NPLOC4: variants seen among roughly 807,000 people sequenced by gnomAD.
NPLOC4 encodes nuclear protein localization protein 4 homolog.
A neutral mutation model predicts 80.6 loss-of-function variants in NPLOC4; 18 were observed. The ratio of observed to expected loss-of-function variants is 0.22; its 90% CI spans 0.15 to 0.33. NPLOC4 has a LOEUF of 0.33. Ranked by LOEUF, NPLOC4 falls within the 10% of genes least tolerant of loss-of-function variation. The probability of loss-of-function intolerance (pLI) is 1.00; values close to 1 mark genes in which losing one functional copy is unlikely to be tolerated. For synonymous variants in NPLOC4, 313 were observed against 301.5 expected (o/e 1.04, Z -0.39); for missense variants, 540 against 786.1 (o/e 0.69, Z 3.74).
intron 16 of NPLOC4, among the ~76,000 whole-genome samples, chr17:81,561,449 T>C (rs2033845595): frequency 1.3e-5 from 2 of 152,252 alleles, no homozygotes; most frequent in Admixed American, 1.3e-4. Flanking sequence ...ACAAGTGTTT[T>C]GTTTAGATAA....
At chr17:81,573,140 A>T (rs1270833592) in intron 12 of NPLOC4, among the ~76,000 whole-genome samples, 1 of 152,210 alleles carries the variant, frequency 6.6e-6, no homozygotes, top group Non-Finnish European at 1.5e-5. Flanking sequence ...GCAAGAGGGG[A>T]TCACATTTTC....
At chr17:81,583,358 T>A (rs2034493706) in intron 12 of NPLOC4, among the ~76,000 whole-genome samples, 1 of 152,242 alleles carries the variant, frequency 6.6e-6, no homozygotes, top group South Asian at 2.1e-4. Context: ...TCATTTATTC[T>A]CCATAATTAC....
At chr17:81,622,530 T>C (rs148321826) in intron 2 of NPLOC4, among the ~76,000 whole-genome samples, 189 of 152,312 alleles carry the variant, frequency 1.2e-3, no homozygotes, top group African/African-American at 4.2e-3. Flanking sequence ...ATTTAAGACT[T>C]TGAAGCAAAC....
chr17:81,608,586 A>G, intron 6 of NPLOC4, 142 bp downstream of exon 6: 1 of 603,466 alleles, frequency 1.7e-6, no homozygotes, highest in South Asian at 2.1e-5. Context: ...ATAAATAAAT[A>G]TAGAACCACG....
At chr17:81,619,365 A>G (rs2035600525) in intron 3 of NPLOC4, among the ~76,000 whole-genome samples, 1 of 151,160 alleles carries the variant, frequency 6.6e-6, no homozygotes, top group Admixed American at 6.6e-5. Flanking sequence ...CAACACAGTG[A>G]GACTCCGTCT....
chr17:81,630,279 T>C (rs1433577642), intron 1 of NPLOC4, among the ~76,000 whole-genome samples: 1 of 152,084 alleles, frequency 6.6e-6, no homozygotes, highest in Non-Finnish European at 1.5e-5. Context: ...CAGGAAATTT[T>C]CTAATTGTTA....
intron 16 of NPLOC4, chr17:81,565,299 CT>C: frequency 1.4e-6 from 1 of 702,764 alleles, no homozygotes. Flanking sequence ...GACGTACGGC[CT>C]GGACAACATG....
chr17:81,573,306 G>A (rs2034209271), intron 12 of NPLOC4, among the ~76,000 whole-genome samples: 1 of 152,140 alleles, frequency 6.6e-6, no homozygotes, highest in African/African-American at 2.4e-5. Context: ...CCTGAGGTGT[G>A]CAGGGTGACA....
At chr17:81,627,631 C>T (rs1300593325) in intron 2 of NPLOC4, among the ~76,000 whole-genome samples, 2 of 151,828 alleles carry the variant, frequency 1.3e-5, no homozygotes, top group African/African-American at 2.4e-5. Context: ...CCCAGCTACT[C>T]GGAAGGCTGA....
chr17:81,583,933 G>A (rs2034508785), intron 12 of NPLOC4, among the ~76,000 whole-genome samples: 1 of 152,128 alleles, frequency 6.6e-6, no homozygotes, highest in Non-Finnish European at 1.5e-5. Flanking sequence ...TTTTAATTTT[G>A]CTTTCTAAGT....
chr17:81,582,482 G>T (rs1337215628), intron 12 of NPLOC4, among the ~76,000 whole-genome samples: 1 of 152,214 alleles, frequency 6.6e-6, no homozygotes, highest in African/African-American at 2.4e-5. Context: ...GCTCACTGCA[G>T]CCGTGAACTC....
chr17:81,560,991 G>C (rs1475782134), intron 16 of NPLOC4: 1 of 150,810 alleles, frequency 6.6e-6, no homozygotes, highest in Admixed American at 6.6e-5. Flanking sequence ...CCTTTTTTTT[G>C]TTGTTGCCGA....
In NPLOC4 at chr17:81,580,432, C is replaced by T. The variant is rs1369015991; in HGVS notation, c.1282-8344G>A. 2.0e-5 allele frequency among the ~76,000 whole-genome samples: 3 copies of T among 152,304 alleles called. No homozygotes were observed. The highest frequency in any genetic ancestry group is 1.5e-5 in the Non-Finnish European group (1 of 68,024). ...AGCCAGAGTGATCGTCTCACAGCCC[C>T]GGCACAGCCATCTCCCTTCAGCACC... On this transcript the variant is annotated intron_variant, in intron 12 of 16. Transcript: ENST00000331134. The surrounding 1 kb of genome is among the most constrained non-coding windows in gnomAD (Gnocchi z 4.4).
At chr17:81,628,101 C>A (rs539439769) in intron 2 of NPLOC4, among the ~76,000 whole-genome samples, 1 of 151,142 alleles carries the variant, frequency 6.6e-6, no homozygotes, top group Admixed American at 6.6e-5. Flanking sequence ...AGTCCAGCTA[C>A]TCGGGAGGCT....
In NPLOC4 at chr17:81,628,075, G is replaced by A. The variant is rs183810803; in HGVS notation, c.96+1650C>T. Among the ~76,000 whole-genome samples, 12 of 151,790 alleles carry A rather than the reference G, an allele frequency of 7.9e-5. No homozygotes were observed. The East Asian group carries it at 2.3e-3, about 30-fold the overall frequency. On this transcript the variant is annotated intron_variant, in intron 2 of 16. Coordinates refer to ENST00000331134, the MANE Select transcript of NPLOC4 (RefSeq NM_017921.4). ...AAAATACAAAAAATTAGCCAGGCAT[G>A]GTGGTGGGCGCCTGTAGTCCAGCTA...
chr17:81,611,861 G>A (rs1203233993), intron 4 of NPLOC4, among the ~76,000 whole-genome samples: 1 of 151,384 alleles, frequency 6.6e-6, no homozygotes, highest in African/African-American at 2.4e-5. Context: ...TTGGGAGGCT[G>A]AGGCAGGAGA....
intron 9 of NPLOC4, among the ~76,000 whole-genome samples, chr17:81,598,497 G>A (rs1286588129): frequency 6.6e-6 from 1 of 152,214 alleles, no homozygotes; most frequent in Non-Finnish European, 1.5e-5. Flanking sequence ...AGGATTCCTA[G>A]AGAAAGGCAC....
At position 81,622,142 on chromosome 17, in the gene NPLOC4, G is replaced by A. The variant is rs78476883; in HGVS notation, c.209+24C>T. On this transcript the variant is annotated intron_variant, in intron 3 of 16. Transcript: ENST00000331134. The stretch of plus-strand genomic sequence containing the variant: ...GGGACCTCATTTCCCCCCATTCCCT[G>A]CTTCCTCCTCAGAGGACACTTACTT... 89 of 1,558,622 alleles carry A rather than the reference G, an allele frequency of 5.7e-5. No individual in the cohort carries two copies. In the East Asian group the frequency reaches 1.9e-3, roughly 34 times the overall value.
At position 81,591,447 on chromosome 17, in the gene NPLOC4, G is replaced by GAAAAAAAAAAAA. The variant is rs71367067; in HGVS notation, c.1121-2355_1121-2344dup. Among the ~76,000 whole-genome samples, 266 of 76,258 alleles carry GAAAAAAAAAAAA rather than the reference G, an allele frequency of 3.5e-3. 3 individuals carry two copies. The highest frequency in any genetic ancestry group is 5.1e-3 in the Non-Finnish European group (212 of 41,722). The allele number at this position is 76,258 out of a possible 152,430, so 50.0% of individuals were successfully genotyped here. On this transcript the variant is annotated intron_variant, in intron 11 of 16. Transcript: ENST00000331134. Reference sequence around the variant, plus strand: ...AAGACTCCATCTCTGGAGTAAAACAGAAAAAAAAAAAAAAAAAAAAAAAAA... The same window carrying GAAAAAAAAAAAA: ...AAGACTCCATCTCTGGAGTAAAACAGAAAAAAAAAAAAAAAAAAAAAAAAAAAAAAAAAAAAA...
Sources: allele counts gnomAD v4.1 joint callset (sites outside exome capture counted in the v4.1 genomes callset), GRCh38; gene constraint gnomAD v4.1.1; non-coding constraint Gnocchi (gnomAD v3.1); transcripts MANE v1.5; gene names NCBI Gene and HGNC (gene_info 2026-07-23, HGNC 2026-07-21).